Variants in CST3 observed in about 807,000 individuals in gnomAD.
The protein encoded by CST3 is cystatin-C.
A neutral mutation model predicts 9.0 loss-of-function variants in CST3; 14 were observed. That is an observed-to-expected ratio of 1.56 (90% CI 1.03 to 2.44). The LOEUF is 2.44. Among genes scored for constraint, CST3 ranks in the 30% most tolerant of loss-of-function variants. The pLI, the probability that CST3 is intolerant of heterozygous loss-of-function variation, is 0.00. For synonymous variants in CST3, 96 were observed against 90.2 expected, an observed-to-expected ratio of 1.06 and a Z score of -0.37; for missense variants, 237 against 204.3, an observed-to-expected ratio of 1.16 and a Z score of -0.98.
chr20:23,629,734 TGGGGG>T (rs72386437), downstream of CST3, among the ~76,000 whole-genome samples: 30,967 of 115,118 alleles, frequency 0.27, 3,350 homozygotes, highest in South Asian at 0.4. Flanking sequence ...CAGTGACTGG[TGGGGG>T]GGGGAGGGGG....
chr20:23,637,492 GACCGGGA>G (rs1979725399), intron 1 of CST3, 121 bp downstream of exon 1: 1 of 945,598 alleles, frequency 1.1e-6, no homozygotes, highest in Admixed American at 4.0e-5. Context: ...TGACAGCGAA[GACCGGGA>G]ACAGGGTCCG....
rs73318135 is a variant in CST3, at chr20:23,637,934, T to G, written c.-72A>C. The G allele has an allele frequency of 0.22, 284,631 of 1,270,140 alleles. 31,148 individuals are homozygous for G. Among genetic ancestry groups the G allele is most frequent in the South Asian group, 0.31 (15,385 of 49,142 alleles). The allele number at this position is 1,270,140 out of a possible 1,614,324, so 78.7% of individuals were successfully genotyped here. ...CTGGAGCTAGATAGAGAGGACCCGC[T>G]GCGATACCGAGGCGAGGCCGTGAGC... On this transcript the variant is annotated 5_prime_UTR_variant, in exon 1 of 3. Transcript: ENST00000376925.
exon 4 of CST3, chr20:23,627,405 A>G (rs1051831073): frequency 5.3e-5 from 8 of 152,206 alleles, no homozygotes; most frequent in Non-Finnish European, 1.5e-5. Context: ...CATTGTATGA[A>G]TAGACTAACA....
At chr20:23,633,302 G>A (rs73902110), downstream of CST3, among the ~76,000 whole-genome samples, 5,644 of 152,178 alleles carry the variant, frequency 0.037, 375 homozygotes, top group African/African-American at 0.13. Flanking sequence ...GAGCTCCACC[G>A]AGGCCTGGCC....
At chr20:23,631,235 T>C (rs960066045), downstream of CST3, among the ~76,000 whole-genome samples, 1 of 152,170 alleles carries the variant, frequency 6.6e-6, no homozygotes, top group African/African-American at 2.4e-5. Flanking sequence ...ATCCTGAAAC[T>C]GACCTATGGT....
downstream of CST3, among the ~76,000 whole-genome samples, chr20:23,631,218 G>C (rs1252762387): frequency 2.6e-5 from 4 of 152,076 alleles, no homozygotes; most frequent in African/African-American, 9.7e-5. Flanking sequence ...CCAGATTTAG[G>C]ACTGAGATCC....
At chr20:23,627,550 G>T (rs1979297263) in exon 4 of CST3, 1 of 152,072 alleles carries the variant, frequency 6.6e-6, no homozygotes. Context: ...TTTATTTGTA[G>T]CTGACATATA....
At chr20:23,628,054 G>A (rs913063105) in exon 4 of CST3, 2 of 149,880 alleles carry the variant, frequency 1.3e-5, no homozygotes, top group African/African-American at 4.9e-5. Flanking sequence ...CATGTGTGTT[G>A]TTTTTTTTTG....
rs768528709 is a variant in CST3, at chr20:23,635,322, T to C, written c.289A>G (p.Thr97Ala). 1 of 1,613,814 alleles carries C rather than the reference T, an allele frequency of 6.2e-7. No homozygotes were observed. The stretch of plus-strand genomic sequence containing the variant: ...TTGGGCTGGGTCTTGGTACACGTGG[T>C]TCGGCCCAGCTCCACGTCCAAGAAG... ...NYFLDVELGR[T>A]TCTKTQPNLD... Residue 97 changes from threonine (T) to alanine (A), a missense_variant, in exon 2 of 3, where the codon ACC (threonine) becomes GCC (alanine). Physicochemically the swap from Thr to Ala is moderately conservative, Grantham distance 58 (BLOSUM62 0). Transcript: ENST00000376925.
intron 1 of CST3, among the ~76,000 whole-genome samples, chr20:23,636,417 G>C: frequency 6.6e-6 from 1 of 152,174 alleles, no homozygotes; most frequent in East Asian, 1.9e-4. Flanking sequence ...TCTGGCTGAG[G>C]TCTAACTCTG....
downstream of CST3, among the ~76,000 whole-genome samples, chr20:23,632,491 T>C: frequency 6.6e-6 from 1 of 151,980 alleles, no homozygotes; most frequent in East Asian, 1.9e-4. Context: ...GGTGCTACAC[T>C]TCCCTCACCC....
At chr20:23,630,528 A>G (rs181600756), downstream of CST3, among the ~76,000 whole-genome samples, 170 of 152,356 alleles carry the variant, frequency 1.1e-3, no homozygotes, top group Non-Finnish European at 2.0e-3. Context: ...ACAGCAGAGC[A>G]TAAGGAGAGG....
At chr20:23,627,351 T>G (rs1399238838) in exon 4 of CST3, 1 of 152,242 alleles carries the variant, frequency 6.6e-6, no homozygotes, top group East Asian at 1.9e-4. Flanking sequence ...TGCTCCACAT[T>G]GTAGCACGGG....
Position 23,633,943 on chromosome 20 carries a change from C to G in CST3, c.414G>C (p.Leu138Phe). 6.2e-7 allele frequency: 1 copy of G among 1,614,144 alleles called. No individual in the cohort carries two copies. Among genetic ancestry groups the G allele is most frequent in the Non-Finnish European group, 8.5e-7 (1 of 1,180,026 alleles). Residue 138 changes from leucine (L) to phenylalanine (F), a missense_variant, in exon 3 of 3, where the codon TTG (leucine) becomes TTC (phenylalanine). Physicochemically the swap from Leu to Phe is conservative, Grantham distance 22. Coordinates refer to ENST00000376925, the MANE Select transcript of CST3 (RefSeq NM_000099.4). ...AGGCGTCCTGACAGGTGGATTTCGA[C>G]AAGGTCATTGTGCCCTGCCAAGGCA... ...YAVPWQGTMT[L>F]SKSTCQDA
At chr20:23,634,105 C>A (rs1348207504) in intron 2 of CST3, 106 bp from the exon 3 acceptor site, 3 of 922,414 alleles carry the variant, frequency 3.3e-6, no homozygotes, top group Admixed American at 1.9e-5. Context: ...GGAGGTGAAA[C>A]ACTGGGCCCT....
chr20:23,630,138 T>C (rs111808858), downstream of CST3, among the ~76,000 whole-genome samples: 14 of 152,234 alleles, frequency 9.2e-5, no homozygotes, highest in African/African-American at 3.4e-4. Context: ...GGGGAAGCAA[T>C]GGGAGGAGTA....
chr20:23,632,746 G>GTT (rs1374520369), downstream of CST3, among the ~76,000 whole-genome samples: 1 of 152,236 alleles, frequency 6.6e-6, no homozygotes, highest in East Asian at 1.9e-4. Context: ...AGCACTGGCT[G>GTT]TAAGGGCTGC....
rs3067508 is a variant in CST3 at position 23,635,182 on chromosome 20, T to TCACACACA, written c.357+64_357+71dup. ...ACACGTACCCTGCAGAACATGTGCA[T>TCACACACA]CACACACACACACACACACACACAC... On this transcript the variant is annotated intron_variant, in intron 2 of 2. Transcript: ENST00000376925. 1.6e-4 allele frequency: 182 copies of TCACACACA among 1,104,136 alleles called. No individual in the cohort carries two copies. The African/African-American group carries it at 2.5e-3, about 15-fold the overall frequency. 68.4% of individuals were successfully genotyped at this position (1,104,136 alleles called of 1,614,324 possible).
intron 1 of CST3, among the ~76,000 whole-genome samples, chr20:23,637,023 C>A (rs574090196): frequency 1.3e-5 from 2 of 152,288 alleles, no homozygotes; most frequent in African/African-American, 4.8e-5. Flanking sequence ...TACATATACA[C>A]ACACCCATAT....
Sources: gnomAD v4.1 joint callset for allele counts (sites outside exome capture counted in the v4.1 genomes callset) on GRCh38, gnomAD v4.1.1 for gene constraint, MANE v1.5 for transcripts, NCBI Gene and HGNC (gene_info 2026-07-23, HGNC 2026-07-21) for gene names.